Variants in TMCO1 observed in about 807,000 individuals in gnomAD.
TMCO1 encodes the protein calcium load-activated calcium channel.
TMCO1 carries 29 observed loss-of-function variants against 29.3 expected under a neutral mutation model. The observed-to-expected ratio is 0.99, with a 90% CI of 0.74 to 1.35. TMCO1 has a LOEUF of 1.35. Ranked by LOEUF, TMCO1 falls within the 40% of genes most tolerant of loss-of-function variation. TMCO1 has a pLI of 0.00. For synonymous variants in TMCO1, 80 were observed against 77.1 expected, an observed-to-expected ratio of 1.04 and a Z score of -0.20; for missense variants, 173 against 225.5, an observed-to-expected ratio of 0.77 and a Z score of 1.49.
intron 6 of TMCO1, among the ~76,000 whole-genome samples, chr1:165,729,173 A>C (rs1451222018): frequency 6.6e-6 from 1 of 151,842 alleles, no homozygotes; most frequent in African/African-American, 2.4e-5. Context: ...AGAAACCTGC[A>C]AAGCACTCTG....
At chr1:165,732,821 T>C (rs942058691) in intron 6 of TMCO1, among the ~76,000 whole-genome samples, 2 of 152,176 alleles carry the variant, frequency 1.3e-5, no homozygotes, top group African/African-American at 4.8e-5. Flanking sequence ...TAAGAATATA[T>C]AGTAAGATAA....
intron 5 of TMCO1, among the ~76,000 whole-genome samples, chr1:165,748,248 T>C (rs1259633850): frequency 1.3e-5 from 2 of 152,020 alleles, no homozygotes; most frequent in African/African-American, 2.4e-5. Flanking sequence ...TAGCAGATAA[T>C]GTTATTAGGC....
chr1:165,750,347 C>A (rs1339406802), intron 5 of TMCO1, among the ~76,000 whole-genome samples: 2 of 151,858 alleles, frequency 1.3e-5, no homozygotes, highest in African/African-American at 4.8e-5. Flanking sequence ...CGAGACCAGC[C>A]TGGCCAACAT....
At chr1:165,750,965 G>C (rs1054794021) in intron 5 of TMCO1, among the ~76,000 whole-genome samples, 3 of 152,164 alleles carry the variant, frequency 2.0e-5, no homozygotes, top group Non-Finnish European at 4.4e-5. Context: ...AGCTACTCGG[G>C]AGGCTGAGGC....
At chr1:165,739,052 T>C (rs1651490056) in intron 6 of TMCO1, among the ~76,000 whole-genome samples, 1 of 152,182 alleles carries the variant, frequency 6.6e-6, no homozygotes, top group Non-Finnish European at 1.5e-5. Context: ...ATAAAAAGTG[T>C]TAGTATATAT....
At chr1:165,730,832 G>C (rs893246116) in intron 6 of TMCO1, among the ~76,000 whole-genome samples, 4 of 151,736 alleles carry the variant, frequency 2.6e-5, no homozygotes, top group African/African-American at 9.7e-5. Flanking sequence ...GGGCTCCAGT[G>C]ATCTGCTCAC....
intron 3 of TMCO1, among the ~76,000 whole-genome samples, chr1:165,756,253 G>C (rs1402241498): frequency 6.6e-6 from 1 of 152,130 alleles, no homozygotes. Flanking sequence ...TTCCTAAGGG[G>C]TTGGGAGTGG....
chr1:165,727,257 C>T lies in TMCO1; in HGVS notation c.*766G>A. ...AGACTGTAATAGGATATGAAGAGAA[C>T]AGCTGAGGACCCTCATTTTTATTTA... On this transcript the variant is annotated 3_prime_UTR_variant, in exon 7 of 7. Transcript: ENST00000367881. The T allele has an allele frequency of 2.2e-6, 1 of 447,432 alleles. No individual in the cohort carries two copies. The allele number at this position is 447,432 out of a possible 1,614,324, so 27.7% of individuals were successfully genotyped here. A position where few individuals can be genotyped will look rare whatever the true frequency, so the allele number is the denominator to read the frequency against.
intron 6 of TMCO1, among the ~76,000 whole-genome samples, chr1:165,741,623 A>G (rs184641642): frequency 1.3e-5 from 2 of 152,344 alleles, no homozygotes; most frequent in Admixed American, 6.5e-5. Flanking sequence ...AAGCAATACA[A>G]TGACAAAGAT....
At chr1:165,765,889 G>A (rs1479140990) in intron 2 of TMCO1, among the ~76,000 whole-genome samples, 4 of 152,164 alleles carry the variant, frequency 2.6e-5, no homozygotes, top group Non-Finnish European at 4.4e-5. Context: ...CTTTTAAAAA[G>A]ATTATTCTGG....
At chr1:165,758,799 G>A (rs1241790330) in intron 3 of TMCO1, among the ~76,000 whole-genome samples, 1 of 152,178 alleles carries the variant, frequency 6.6e-6, no homozygotes, top group Non-Finnish European at 1.5e-5. Flanking sequence ...AAACATCCAG[G>A]ATCGCTATAC....
At chr1:165,758,330 C>T (rs919926087) in intron 3 of TMCO1, among the ~76,000 whole-genome samples, 12 of 152,140 alleles carry the variant, frequency 7.9e-5, no homozygotes, top group South Asian at 2.1e-4. Flanking sequence ...GTTGAGGCGG[C>T]GGATCACCTG....
chr1:165,726,237 C>A, downstream of TMCO1: 2 of 699,530 alleles, frequency 2.9e-6, no homozygotes. Flanking sequence ...CATTACCATC[C>A]ATTATCAGAC....
chr1:165,768,407 T>A (rs186875243), intron 1 of TMCO1, 138 bp from the exon 2 acceptor site: 2 of 1,500,564 alleles, frequency 1.3e-6, no homozygotes, highest in African/African-American at 2.8e-5. Context: ...CAAAGGCTAA[T>A]ACAACTGACT....
intron 6 of TMCO1, among the ~76,000 whole-genome samples, chr1:165,738,537 C>G (rs994233658): frequency 1.3e-5 from 2 of 152,138 alleles, no homozygotes; most frequent in African/African-American, 4.8e-5. Flanking sequence ...AAATAGCAGG[C>G]TAATAAGGAT....
intron 4 of TMCO1, among the ~76,000 whole-genome samples, chr1:165,753,073 A>G (rs1652059567): frequency 6.6e-6 from 1 of 152,232 alleles, no homozygotes; most frequent in African/African-American, 2.4e-5. Context: ...TTAGGAAGAT[A>G]TGCTCAAATA....
downstream of TMCO1, chr1:165,724,704 T>C: frequency 2.2e-6 from 1 of 454,020 alleles, no homozygotes; most frequent in Non-Finnish European, 4.4e-6. Flanking sequence ...CAATATTCAG[T>C]ACCTTACTTG....
At chr1:165,735,071 T>A (rs1343217120) in intron 6 of TMCO1, among the ~76,000 whole-genome samples, 1 of 152,158 alleles carries the variant, frequency 6.6e-6, no homozygotes, top group Non-Finnish European at 1.5e-5. Context: ...TTTTCTGTCT[T>A]AGGTTGATCA....
At position 165,726,967 on chromosome 1, in the gene TMCO1, A is replaced by G. The variant is rs1339731105; in HGVS notation, c.*1056T>C. On this transcript the variant is annotated 3_prime_UTR_variant, in exon 7 of 7. Transcript: ENST00000367881. The stretch of plus-strand genomic sequence containing the variant: ...TTTAACAATGATTACCTTGAAAATT[A>G]TGTGTTTTTTCTCACTGGTAGAATA... The G allele has an allele frequency of 2.2e-6, 1 of 454,090 alleles. No individual in the cohort carries two copies. The highest frequency in any genetic ancestry group is 1.6e-5 in the South Asian group (1 of 64,478). The allele number at this position is 454,090 out of a possible 1,614,324, so 28.1% of individuals were successfully genotyped here.
Sources: gnomAD v4.1 joint callset for allele counts (sites outside exome capture counted in the v4.1 genomes callset) on GRCh38, gnomAD v4.1.1 for gene constraint, MANE v1.5 for transcripts, NCBI Gene and HGNC (gene_info 2026-07-23, HGNC 2026-07-21) for gene names.